SMARCA4: variants seen among roughly 807,000 people sequenced by gnomAD.
SMARCA4 encodes SWI/SNF-related matrix-associated actin-dependent regulator of chromatin subfamily A member 4.
A neutral mutation model predicts 193.9 loss-of-function variants in SMARCA4; 31 were observed. The ratio of observed to expected loss-of-function variants is 0.16; its 90% CI spans 0.12 to 0.22. The LOEUF (loss-of-function observed/expected upper bound fraction) is 0.22, where lower values mean the gene tolerates loss of function less well. Ranked by LOEUF, SMARCA4 falls within the 10% of genes least tolerant of loss-of-function variation. The pLI is 1.00. For synonymous variants in SMARCA4, 942 were observed against 933.1 expected (o/e 1.01, Z -0.17); for missense variants, 1,148 against 2,296.0 (o/e 0.50, Z 10.22).
intron 1 of SMARCA4, among the ~76,000 whole-genome samples, chr19:10,981,052 G>C (rs2085516935): frequency 6.6e-6 from 1 of 152,314 alleles, no homozygotes; most frequent in African/African-American, 2.4e-5. Context: ...GTATTTTGCT[G>C]TCAGTTTCAG....
chr19:10,962,470 CAG>C (rs1281179532), intron 1 of SMARCA4, among the ~76,000 whole-genome samples: 3 of 152,006 alleles, frequency 2.0e-5, no homozygotes, highest in Non-Finnish European at 4.4e-5. Context: ...AGCGGACAGG[CAG>C]GGGATCGGTG....
chr19:11,061,295 G>T (rs1372978317), intron 34 of SMARCA4, among the ~76,000 whole-genome samples: 2 of 148,100 alleles, frequency 1.4e-5, no homozygotes, highest in African/African-American at 5.0e-5. Context: ...TTTGGAAGCT[G>T]TAGGTCAGGG....
chr19:11,059,147 G>T (rs926427923), intron 32 of SMARCA4: 11 of 451,746 alleles, frequency 2.4e-5, no homozygotes, highest in Admixed American at 1.1e-4. Context: ...TTCCAACTTG[G>T]GATATTTTAG....
chr19:11,018,880 A>G (rs1356030960), intron 16 of SMARCA4, 77 bp from the exon 17 acceptor site: 6 of 1,227,658 alleles, frequency 4.9e-6, no homozygotes, highest in Non-Finnish European at 6.0e-6. Context: ...CGCCCCTGAC[A>G]GCCAGTGGCT....
Position 11,058,505 on chromosome 19 carries a change from C to G in SMARCA4, c.4533+142C>G. On this transcript the variant is annotated intron_variant, in intron 31 of 34. Transcript: ENST00000344626. The surrounding 1 kb of genome is among the most constrained non-coding windows in gnomAD (Gnocchi z 5.8). Reference sequence around the variant, plus strand: ...TGCCTTGGGCTACCTGGTTAGGGACCTGGTCGTGGGCTTTTGGGGTTCCTT... The same window carrying G: ...TGCCTTGGGCTACCTGGTTAGGGACGTGGTCGTGGGCTTTTGGGGTTCCTT... 1.4e-6 allele frequency: 1 copy of G among 731,448 alleles called. No homozygotes were observed. The highest frequency in any genetic ancestry group is 2.4e-6 in the Non-Finnish European group (1 of 411,234). 45.3% of individuals were successfully genotyped at this position (731,448 alleles called of 1,614,324 possible). A position where few individuals can be genotyped will look rare whatever the true frequency, so the allele number is the denominator to read the frequency against.
chr19:11,044,298 A>C (rs1418467632), intron 30 of SMARCA4, among the ~76,000 whole-genome samples: 3 of 152,226 alleles, frequency 2.0e-5, no homozygotes, highest in Admixed American at 2.0e-4. Flanking sequence ...GAAAATCTTC[A>C]TGAGTAGGCA....
Position 11,019,576 on chromosome 19 carries a change from C to A in SMARCA4, c.2506-15C>A, listed in dbSNP as rs1165372720. The stretch of plus-strand genomic sequence containing the variant: ...GGCTCCAAAAGCCGAGCTGTGCATC[C>A]TGCTTCCCTTGCAGGGATCCCCAGC... On this transcript the variant is annotated splice_polypyrimidine_tract_variant and intron_variant, in intron 17 of 34. Transcript: ENST00000344626. The surrounding 1 kb of genome is among the most constrained non-coding windows in gnomAD (Gnocchi z 6.1). The A allele has an allele frequency of 1.4e-5, 22 of 1,589,022 alleles. No homozygotes were observed. The highest frequency in any genetic ancestry group is 1.8e-5 in the Non-Finnish European group (21 of 1,161,920).
At chr19:10,998,503 C>T (rs1381651277) in intron 11 of SMARCA4, among the ~76,000 whole-genome samples, 8 of 138,000 alleles carry the variant, frequency 5.8e-5, no homozygotes, top group Non-Finnish European at 1.3e-4. Flanking sequence ...CTTTTAGTAT[C>T]TTTTTTTTTT....
At chr19:11,045,471 T>G (rs1600501679) in intron 30 of SMARCA4, among the ~76,000 whole-genome samples, 2 of 152,208 alleles carry the variant, frequency 1.3e-5, no homozygotes, top group East Asian at 3.8e-4. Flanking sequence ...ATATTCTCTC[T>G]ATAGATCTGG....
At chr19:11,016,258 G>C (rs941279574) in intron 16 of SMARCA4, among the ~76,000 whole-genome samples, 1 of 152,000 alleles carries the variant, frequency 6.6e-6, no homozygotes, top group African/African-American at 2.4e-5. Context: ...GGCCGTTCAC[G>C]AGGGTTCACG....
chr19:11,057,033 C>T (rs756959638), intron 30 of SMARCA4, among the ~76,000 whole-genome samples: 1 of 152,246 alleles, frequency 6.6e-6, no homozygotes, highest in African/African-American at 2.4e-5. Flanking sequence ...AGAAGCGGTG[C>T]TGATGAGGCA....
intron 16 of SMARCA4, among the ~76,000 whole-genome samples, chr19:11,017,298 T>C (rs954684637): frequency 1.3e-5 from 2 of 152,202 alleles, no homozygotes; most frequent in Admixed American, 6.5e-5. Context: ...GGCCAGTTCC[T>C]TGTGTGTTCA....
At chr19:10,969,006 G>C (rs181456834) in intron 1 of SMARCA4, among the ~76,000 whole-genome samples, 41 of 152,226 alleles carry the variant, frequency 2.7e-4, no homozygotes, top group Middle Eastern at 3.4e-3. Context: ...GACCTTCAAG[G>C]TTCTCATCCT....
At position 10,986,741 on chromosome 19, in the gene SMARCA4, G is replaced by C; in HGVS notation, c.760+148G>C. 10 of 1,328,742 alleles carry C rather than the reference G, an allele frequency of 7.5e-6. No homozygotes were observed. Among genetic ancestry groups the C allele is most frequent in the Non-Finnish European group, 9.4e-6 (9 of 961,632 alleles). 82.3% of individuals were successfully genotyped at this position (1,328,742 alleles called of 1,614,324 possible). A position where few individuals can be genotyped will look rare whatever the true frequency, so the allele number is the denominator to read the frequency against. ...TACTGCACTTCTGGGTGCTCGGGTGGTGGGGGCAGCTAAATGCTGCTTCCC... is the reference window on the plus strand; with the variant it reads ...TACTGCACTTCTGGGTGCTCGGGTGCTGGGGGCAGCTAAATGCTGCTTCCC... On this transcript the variant is annotated intron_variant, in intron 4 of 34. Coordinates refer to ENST00000344626, the MANE Select transcript of SMARCA4 (RefSeq NM_003072.5). This position sits in a 1 kb window ranked among gnomAD's most constrained non-coding sequence, Gnocchi z 6.7.
At position 10,962,905 on chromosome 19, in the gene SMARCA4, A is replaced by G. The variant is rs535040672; in HGVS notation, c.-32+1731A>G. 7.9e-5 allele frequency among the ~76,000 whole-genome samples: 12 copies of G among 152,144 alleles called. No homozygotes were observed. In the South Asian group the frequency reaches 1.7e-3, roughly 21 times the overall value. ...TTGTTCCCCTCAGCTACATTCATACATCAACTTGGTCCTTTCCGGTGTAGC... is the reference window on the plus strand; with the variant it reads ...TTGTTCCCCTCAGCTACATTCATACGTCAACTTGGTCCTTTCCGGTGTAGC... On this transcript the variant is annotated intron_variant, in intron 1 of 34. Coordinates refer to ENST00000344626, the MANE Select transcript of SMARCA4 (RefSeq NM_003072.5).
chr19:10,970,783 G>A (rs977494831), intron 1 of SMARCA4, among the ~76,000 whole-genome samples: 1 of 152,180 alleles, frequency 6.6e-6, no homozygotes, highest in Non-Finnish European at 1.5e-5. Context: ...TGGAGACTTG[G>A]AGAATTACTT....
At chr19:11,012,339 C>T in intron 15 of SMARCA4, 1 of 163,520 alleles carries the variant, frequency 6.1e-6, no homozygotes, top group Non-Finnish European at 1.3e-5. Flanking sequence ...CACTGCACTC[C>T]AGCTTGGGTG....
In SMARCA4 at chr19:11,041,506, A is replaced by G. The variant is rs1434396338; in HGVS notation, c.4370A>G (p.Asn1457Ser). 9.3e-6 allele frequency: 15 copies of G among 1,613,478 alleles called. No homozygotes were observed. Among genetic ancestry groups the G allele is most frequent in the Non-Finnish European group, 1.1e-5 (13 of 1,179,912 alleles). ...GAGAAACTCTCCCCTAACCCACCCA[A>G]CCTCACCAAGAAGATGAAGAAGATT... ...PAEKLSPNPP[N>S]LTKKMKKIVD... The change falls in exon 30 of 35, where the codon AAC (asparagine) becomes AGC (serine). Residue 1457 changes from asparagine to serine, a missense_variant. Physicochemically the swap from Asn to Ser is conservative, Grantham distance 46. Coordinates refer to ENST00000344626, the MANE Select transcript of SMARCA4 (RefSeq NM_003072.5). The surrounding 1 kb of genome is among the most constrained non-coding windows in gnomAD (Gnocchi z 5.6).
rs2145727267 is a variant in SMARCA4 at position 10,984,376 on chromosome 19, A to G, written c.222+3A>G. The G allele has an allele frequency of 3.2e-6, 5 of 1,577,388 alleles. No homozygotes were observed. Among genetic ancestry groups the G allele is most frequent in the Non-Finnish European group, 4.3e-6 (5 of 1,161,124 alleles). On this transcript the variant is annotated splice_donor_region_variant and intron_variant, in intron 2 of 34. Transcript: ENST00000344626. This position sits in a 1 kb window ranked among gnomAD's most constrained non-coding sequence, Gnocchi z 4.3. ...ACAACATGCACCAGATGCACAAGGTAGGGATCCCTGTGCCCGCCTCGCACC... is the reference window on the plus strand; with the variant it reads ...ACAACATGCACCAGATGCACAAGGTGGGGATCCCTGTGCCCGCCTCGCACC...
Sources: gnomAD v4.1 joint callset for allele counts (sites outside exome capture counted in the v4.1 genomes callset) on GRCh38, gnomAD v4.1.1 for gene constraint, Gnocchi (gnomAD v3.1) non-coding constraint, MANE v1.5 for transcripts, NCBI Gene and HGNC (gene_info 2026-07-23, HGNC 2026-07-21) for gene names.